ATP6V0E1: variants seen among roughly 807,000 people sequenced by gnomAD.
ATP6V0E1 encodes V-type proton ATPase subunit e 1.
ATP6V0E1 carries 4 observed loss-of-function variants against 11.6 expected under a neutral mutation model. That is an observed-to-expected ratio of 0.35 (90% confidence interval 0.17 to 0.79). ATP6V0E1 has a LOEUF of 0.79. Ranked by LOEUF, ATP6V0E1 falls within the 30% of genes least tolerant of loss-of-function variation. The pLI, the probability that ATP6V0E1 is intolerant of heterozygous loss-of-function variation, is 0.54. For missense variants in ATP6V0E1, 105 were observed against 100.0 expected, an observed-to-expected ratio of 1.05 and a Z score of -0.21; for synonymous variants, 36 against 34.8, an observed-to-expected ratio of 1.04 and a Z score of -0.13.
chr5:172,990,753 G>C (rs961792542), intron 1 of ATP6V0E1, among the ~76,000 whole-genome samples: 2 of 151,660 alleles, frequency 1.3e-5, no homozygotes, highest in Admixed American at 1.3e-4. Context: ...CTTGAGCCCA[G>C]GAGGCAGAGG....
chr5:173,025,121 G>T lies in ATP6V0E1; in HGVS notation c.*36+4754G>T, dbSNP rs190065066. On this transcript the variant is annotated intron_variant, in intron 3 of 3. Coordinates refer to ENST00000519374, the MANE Select transcript of ATP6V0E1 (RefSeq NM_003945.4). ...CTCCCAAAGTGCTAGGATTACAGGT[G>T]TGAGCCACTGTGCCTGGCATTCTTT... 1.5e-4 allele frequency among the ~76,000 whole-genome samples: 21 copies of T among 143,210 alleles called. No individual in the cohort carries two copies. The East Asian group carries it at 4.1e-3, about 28-fold the overall frequency. 94.0% of individuals were successfully genotyped at this position (143,210 alleles called of 152,430 possible).
intron 2 of ATP6V0E1, among the ~76,000 whole-genome samples, chr5:173,015,899 G>C (rs1359079880): frequency 1.3e-5 from 2 of 151,932 alleles, no homozygotes; most frequent in Non-Finnish European, 2.9e-5. Flanking sequence ...GCTGATTTTT[G>C]TATTTTTAGT....
chr5:173,027,259 G>A (rs1219187582), intron 3 of ATP6V0E1, among the ~76,000 whole-genome samples: 3 of 148,682 alleles, frequency 2.0e-5, no homozygotes, highest in African/African-American at 4.9e-5. Flanking sequence ...AGGCCGAGGC[G>A]GGTGGATCAC....
intron 2 of ATP6V0E1, among the ~76,000 whole-genome samples, chr5:173,011,834 T>G (rs1449496998): frequency 6.6e-6 from 1 of 152,126 alleles, no homozygotes; most frequent in African/African-American, 2.4e-5. Context: ...AATAGATTCA[T>G]TGGAATATGA....
intron 3 of ATP6V0E1, among the ~76,000 whole-genome samples, chr5:173,025,485 C>CTACAATGTA (rs1199672763): frequency 2.4e-5 from 3 of 123,938 alleles, no homozygotes; most frequent in Non-Finnish European, 5.2e-5. Flanking sequence ...TTTTATTATT[C>CTACAATGTA]TACAATGTAT....
rs114435890 is a variant in ATP6V0E1, at chr5:172,987,582, C to T, written c.104+3618C>T. ...TACAGGTGTGAGCTGCCACACCCGG[C>T]CCCCTGCTATAACATCTTTTGCCAC... On this transcript the variant is annotated intron_variant, in intron 1 of 3. Transcript: ENST00000519374. Among the ~76,000 whole-genome samples, 710 of 152,108 alleles carry T rather than the reference C, an allele frequency of 4.7e-3. 1 individual carries two copies. Among genetic ancestry groups the T allele is most frequent in the South Asian group, 0.022 (105 of 4,822 alleles).
intron 3 of ATP6V0E1, among the ~76,000 whole-genome samples, chr5:173,032,147 C>A (rs1241224337): frequency 1.3e-5 from 2 of 151,826 alleles, no homozygotes; most frequent in South Asian, 2.1e-4. Context: ...CAGAGCAAGA[C>A]CCTGTCTCAA....
intron 1 of ATP6V0E1, among the ~76,000 whole-genome samples, chr5:172,986,375 C>A (rs1755897562): frequency 1.3e-5 from 2 of 152,104 alleles, no homozygotes; most frequent in Admixed American, 6.6e-5. Flanking sequence ...TGGCTCACAC[C>A]CATAATATGC....
intron 2 of ATP6V0E1, among the ~76,000 whole-genome samples, chr5:172,998,956 G>A (rs1009758662): frequency 6.6e-6 from 1 of 152,072 alleles, no homozygotes; most frequent in Non-Finnish European, 1.5e-5. Flanking sequence ...GGCCAACACG[G>A]TGAAACCCCA....
intron 3 of ATP6V0E1, among the ~76,000 whole-genome samples, chr5:173,033,101 ATATTATT>A (rs1374671834): frequency 6.6e-6 from 1 of 152,170 alleles, no homozygotes; most frequent in African/African-American, 2.4e-5. Flanking sequence ...TCTGAAAAAA[ATATTATT>A]TATTGATTAG....
rs538210275 is a variant in ATP6V0E1, at chr5:173,017,840, C to CAAAAA, written c.153-2382_153-2378dup. Among the ~76,000 whole-genome samples the CAAAAA allele has an allele frequency of 2.3e-3, 147 of 64,842 alleles. 1 individual carries two copies. Among genetic ancestry groups the CAAAAA allele is most frequent in the East Asian group, 5.2e-3 (10 of 1,934 alleles). 42.5% of individuals were successfully genotyped at this position (64,842 alleles called of 152,430 possible). On this transcript the variant is annotated intron_variant, in intron 2 of 3. Coordinates refer to ENST00000519374, the MANE Select transcript of ATP6V0E1 (RefSeq NM_003945.4). ...TGGACAACAGAACGAGACTCCTTCT[C>CAAAAA]AAAAAAAAAAAAAAAAAAAAGAAAA...
chr5:172,987,282 C>CT lies in ATP6V0E1; in HGVS notation c.104+3333dup, dbSNP rs200416452. The CT allele has an allele frequency of 3.5e-3, 502 of 145,216 alleles. 1 individual carries two copies. Among genetic ancestry groups the CT allele is most frequent in the Admixed American group, 0.011 (157 of 14,400 alleles). The allele number at this position is 145,216 out of a possible 1,614,324, so 9.0% of individuals were successfully genotyped here. On this transcript the variant is annotated intron_variant, in intron 1 of 3. Transcript: ENST00000519374. ...TAAACATCTGGATTCCCTGCTATAA[C>CT]TTTTTTTTTTTTTTTCTTTGAGATG...
intron 3 of ATP6V0E1, among the ~76,000 whole-genome samples, chr5:173,028,383 G>A (rs1205566592): frequency 6.6e-6 from 1 of 152,156 alleles, no homozygotes; most frequent in African/African-American, 2.4e-5. Context: ...TTACCTAATG[G>A]TGAGATGATA....
intron 3 of ATP6V0E1, among the ~76,000 whole-genome samples, chr5:173,030,528 C>G (rs1376704781): frequency 6.6e-6 from 1 of 151,376 alleles, no homozygotes; most frequent in African/African-American, 2.4e-5. Context: ...GCAAACTCCG[C>G]CTCCTGGGTT....
At chr5:172,990,731 G>A (rs1581623999) in intron 1 of ATP6V0E1, among the ~76,000 whole-genome samples, 2 of 151,858 alleles carry the variant, frequency 1.3e-5, no homozygotes, top group African/African-American at 4.8e-5. Flanking sequence ...GGAGGCTGAG[G>A]CAGGAGAATT....
intron 2 of ATP6V0E1, among the ~76,000 whole-genome samples, chr5:173,001,037 A>G (rs553164357): frequency 6.6e-5 from 10 of 152,176 alleles, no homozygotes; most frequent in Non-Finnish European, 1.2e-4. Context: ...TTTAATTCAA[A>G]GGACTGTGTT....
intron 1 of ATP6V0E1, among the ~76,000 whole-genome samples, chr5:172,985,170 A>G (rs374491342): frequency 0.014 from 2,051 of 150,992 alleles, 24 homozygotes; most frequent in African/African-American, 0.024. Flanking sequence ...GCGTGAACCC[A>G]GGAGGCAGAG....
rs1756712902 is a variant in ATP6V0E1, at chr5:173,034,639, G to A, written c.*277G>A. ...GTACTCTTCTGAGATAGAAGATGCT[G>A]TTCTTCTGAGAGATACGTTACTCTC... On this transcript the variant is annotated 3_prime_UTR_variant, in exon 4 of 4. Coordinates refer to ENST00000519374, the MANE Select transcript of ATP6V0E1 (RefSeq NM_003945.4). 1.8e-6 allele frequency: 1 copy of A among 557,302 alleles called. No individual in the cohort carries two copies. Among genetic ancestry groups the A allele is most frequent in the Non-Finnish European group, 3.2e-6 (1 of 308,668 alleles). 34.5% of individuals were successfully genotyped at this position (557,302 alleles called of 1,614,324 possible). A position where few individuals can be genotyped will look rare whatever the true frequency, so the allele number is the denominator to read the frequency against.
Position 172,999,991 on chromosome 5 carries a change from T to TA in ATP6V0E1, c.152+5176dup, listed in dbSNP as rs564919377. On this transcript the variant is annotated intron_variant, in intron 2 of 3. Transcript: ENST00000519374. Reference sequence around the variant, plus strand: ...ATTCCACAAAAGAGTGAGATTCTATTAAAAAAATTGAAATTCAAAGGAAAT... The same window carrying TA: ...ATTCCACAAAAGAGTGAGATTCTATTAAAAAAAATTGAAATTCAAAGGAAAT... Among the ~76,000 whole-genome samples, 219 of 152,294 alleles carry TA rather than the reference T, an allele frequency of 1.4e-3. 2 individuals are homozygous for TA. The highest frequency in any genetic ancestry group is 2.5e-3 in the Admixed American group (38 of 15,300).
Sources: gnomAD v4.1 joint callset for allele counts (sites outside exome capture counted in the v4.1 genomes callset) on GRCh38, gnomAD v4.1.1 for gene constraint, MANE v1.5 for transcripts, NCBI Gene and HGNC (gene_info 2026-07-23, HGNC 2026-07-21) for gene names.